The following TUBA3D variants were observed in gnomAD, a reference collection of about 807,000 sequenced individuals.
TUBA3D encodes the protein tubulin alpha 3d.
A neutral mutation model predicts 36.1 loss-of-function variants in TUBA3D; 24 were observed. That is an observed-to-expected ratio of 0.66 (90% CI 0.48 to 0.93). The LOEUF (loss-of-function observed/expected upper bound fraction) is 0.93. TUBA3D is among the 40% of genes least tolerant of loss of function. The pLI is 0.00. For synonymous variants in TUBA3D, 185 were observed against 247.2 expected (o/e 0.75, Z 2.36); for missense variants, 356 against 614.5 (o/e 0.58, Z 4.45).
intron 3 of TUBA3D, 55 bp downstream of exon 3, chr2:131,479,511 G>A (rs1236264727): frequency 3.8e-6 from 6 of 1,599,278 alleles, no homozygotes; most frequent in Non-Finnish European, 5.1e-6. Flanking sequence ...GGTAGTTCTT[G>A]GAATGTGAAA....
At chr2:131,479,515 T>C (rs1678779690) in intron 3 of TUBA3D, 59 bp downstream of exon 3, 1 of 1,596,650 alleles carries the variant, frequency 6.3e-7, no homozygotes, top group Admixed American at 1.7e-5. Flanking sequence ...GTTCTTGGAA[T>C]GTGAAAGGGA....
At position 131,480,251 on chromosome 2, in the gene TUBA3D, C is replaced by A; in HGVS notation, c.558C>A (p.Asn186Lys). 6.2e-7 allele frequency: 1 copy of A among 1,614,012 alleles called. No individual in the cohort carries two copies. Among genetic ancestry groups the A allele is most frequent in the Non-Finnish European group, 8.5e-7 (1 of 1,180,040 alleles). The change falls in exon 4 of 5, where the codon AAC becomes AAA. Residue 186 changes from asparagine to lysine, a missense_variant. Physicochemically the swap from Asn to Lys is moderately conservative, Grantham distance 94 (BLOSUM62 0). Transcript: ENST00000321253. ...QVSTAVVEPY[N>K]SILTTHTTLE... ...CCACAGCCGTGGTGGAGCCCTACAA[C>A]TCCATCCTGACCACCCACACGACCC... is the stretch of plus-strand genomic sequence containing the variant.
intron 2 of TUBA3D, 152 bp downstream of exon 2, chr2:131,478,538 G>A (rs1203540050): frequency 2.1e-6 from 3 of 1,396,198 alleles, no homozygotes; most frequent in Non-Finnish European, 2.9e-6. Context: ...TGAAAGGTTC[G>A]TGATCAAAGT....
rs1320126550 is a variant in TUBA3D, at chr2:131,479,292, A to G, written c.227-16A>G. ...CAGGCCTTAAAAATTCACAGCACAC[A>G]CTGTCTCTTTTGCAGATGAAGTGCG... is the stretch of plus-strand genomic sequence containing the variant. On this transcript the variant is annotated splice_polypyrimidine_tract_variant and intron_variant, in intron 2 of 4. Coordinates refer to ENST00000321253, the MANE Select transcript of TUBA3D (RefSeq NM_080386.4). 1 of 1,612,918 alleles carries G rather than the reference A, an allele frequency of 6.2e-7. No homozygotes were observed. The highest frequency in any genetic ancestry group is 2.2e-5 in the East Asian group (1 of 44,860).
rs1292118143 is a variant in TUBA3D, at chr2:131,480,057, G to A, written c.376-12G>A. ...CCATGGGCATTGGCTCACGTTGTGT[G>A]GTTTCTCTCAGGCGGATCTGTGCAC... is the stretch of plus-strand genomic sequence containing the variant. On this transcript the variant is annotated splice_polypyrimidine_tract_variant and intron_variant, in intron 3 of 4. Transcript: ENST00000321253. The A allele has an allele frequency of 1.9e-6, 3 of 1,568,270 alleles. No homozygotes were observed. The highest frequency in any genetic ancestry group is 2.6e-6 in the Non-Finnish European group (3 of 1,156,832).
At chr2:131,478,642 G>A (rs573158254) in intron 2 of TUBA3D, 13 of 700,646 alleles carry the variant, frequency 1.9e-5, no homozygotes, top group African/African-American at 7.2e-5. Context: ...AGATTCCCTC[G>A]TGCGTGCCTC....
intron 1 of TUBA3D, among the ~76,000 whole-genome samples, 188 bp from the exon 2 acceptor site, chr2:131,477,976 G>GAAAAC (rs1678730330): frequency 6.6e-6 from 1 of 152,176 alleles, no homozygotes; most frequent in South Asian, 2.1e-4. Context: ...TTACTAGCTA[G>GAAAAC]TATGGTTTAC....
Position 131,482,833 on chromosome 2 carries a change from A to C in TUBA3D, c.1338A>C (p.Glu446Asp). ...GVDSVEAEAEEGEEY is the reference protein window; with the variant it reads ...GVDSVEAEAEDGEEY ...ATTCCGTGGAAGCTGAGGCTGAAGA[A>C]GGCGAAGAATACTGAGGGGAGGGTG... is the stretch of plus-strand genomic sequence containing the variant. The change falls in exon 5 of 5, where the codon GAA becomes GAC. Residue 446 changes from glutamate to aspartate, a missense_variant. Glu to Asp is a conservative substitution (Grantham distance 45). Around this residue, in one of 3 missense-constraint regions of TUBA3D, gnomAD observed 156 missense variants for 219.8 expected, o/e 0.71. Transcript: ENST00000321253. 6.2e-7 allele frequency: 1 copy of C among 1,613,518 alleles called. No homozygotes were observed. The highest frequency in any genetic ancestry group is 8.5e-7 in the Non-Finnish European group (1 of 1,179,476).
At chr2:131,481,989 A>G (rs1037312860) in intron 4 of TUBA3D, among the ~76,000 whole-genome samples, 74 of 152,210 alleles carry the variant, frequency 4.9e-4, no homozygotes, top group Admixed American at 1.9e-3. Flanking sequence ...CCCTTTGGTT[A>G]CCACCTTGGA....
chr2:131,476,159 A>G lies in TUBA3D; in HGVS notation c.-41A>G, dbSNP rs544925601. ...GCTCAGCAGCTGTGGCAGCCGGTTG[A>G]GGTCTGGCAGTAGCGTTGGGCTGAA... On this transcript the variant is annotated 5_prime_UTR_variant, in exon 1 of 5. Transcript: ENST00000321253. 2 of 1,613,584 alleles carry G rather than the reference A, an allele frequency of 1.2e-6. No homozygotes were observed. Among genetic ancestry groups the G allele is most frequent in the South Asian group, 1.1e-5 (1 of 91,046 alleles).
At chr2:131,478,005 C>T (rs528581049) in intron 1 of TUBA3D, among the ~76,000 whole-genome samples, 159 bp from the exon 2 acceptor site, 1 of 152,192 alleles carries the variant, frequency 6.6e-6, no homozygotes, top group African/African-American at 2.4e-5. Flanking sequence ...GTTTTCACAG[C>T]GATAAAGGGA....
chr2:131,478,217 C>T lies in TUBA3D; in HGVS notation c.57C>T (p.Ala19=), dbSNP rs757420147. Residue 19 remains alanine (A), a synonymous_variant, in exon 2 of 5, where the codon GCC becomes GCT. Transcript: ENST00000321253. The part of the protein sequence containing the change: ...VGQAGVQIGN[A]CWELYCLEHG... Reference sequence around the variant, plus strand: ...AGGCGGGTGTCCAGATCGGCAATGCCTGCTGGGAACTGTACTGCCTTGAAC... The same window carrying T: ...AGGCGGGTGTCCAGATCGGCAATGCTTGCTGGGAACTGTACTGCCTTGAAC... The T allele has an allele frequency of 6.2e-7, 1 of 1,614,130 alleles. No homozygotes were observed. Among genetic ancestry groups the T allele is most frequent in the South Asian group, 1.1e-5 (1 of 91,082 alleles).
chr2:131,479,499 G>A (rs779080541), intron 3 of TUBA3D, 43 bp downstream of exon 3: 2 of 1,603,318 alleles, frequency 1.2e-6, no homozygotes, highest in Non-Finnish European at 1.7e-6. Context: ...TTGCATGGGA[G>A]GGGTAGTTCT....
chr2:131,476,274 G>A (rs1284728108), intron 1 of TUBA3D, 72 bp downstream of exon 1: 10 of 1,610,640 alleles, frequency 6.2e-6, no homozygotes, highest in African/African-American at 2.7e-5. Context: ...ACAGAGGGAC[G>A]TTGTTGCGGG....
chr2:131,479,477 G>A, intron 3 of TUBA3D, 21 bp downstream of exon 3: 1 of 1,609,294 alleles, frequency 6.2e-7, no homozygotes. Context: ...AAGGTTTCAT[G>A]TGGCCATTTT....
At chr2:131,478,742 T>C in intron 2 of TUBA3D, 2 of 340,070 alleles carry the variant, frequency 5.9e-6, no homozygotes, top group South Asian at 1.1e-4. Context: ...TGCACTAGAG[T>C]CTTGACCTGC....
chr2:131,478,095 AT>A (rs1678735077), intron 1 of TUBA3D, 68 bp from the exon 2 acceptor site: 2 of 1,556,426 alleles, frequency 1.3e-6, no homozygotes, highest in Admixed American at 3.8e-5. Flanking sequence ...AAATTAGAAT[AT>A]TTTGCATGCC....
At chr2:131,481,624 G>A (rs1678869790) in intron 4 of TUBA3D, among the ~76,000 whole-genome samples, 1 of 151,966 alleles carries the variant, frequency 6.6e-6, no homozygotes, top group African/African-American at 2.4e-5. Flanking sequence ...TAGTAGAGAT[G>A]GGATTTTGCC....
At position 131,479,503 on chromosome 2, in the gene TUBA3D, T is replaced by C. The variant is rs551668627; in HGVS notation, c.375+47T>C. 6 of 1,602,258 alleles carry C rather than the reference T, an allele frequency of 3.7e-6. No homozygotes were observed. In the Admixed American group the frequency reaches 6.7e-5, roughly 18 times the overall value. ...TGGCCATTTTCTTGCATGGGAGGGG[T>C]AGTTCTTGGAATGTGAAAGGGAAGT... On this transcript the variant is annotated intron_variant, in intron 3 of 4. Transcript: ENST00000321253.
Sources: allele counts gnomAD v4.1 joint callset (sites outside exome capture counted in the v4.1 genomes callset), GRCh38; gene constraint gnomAD v4.1.1; regional missense constraint gnomAD v4.1.1; transcripts MANE v1.5; gene names NCBI Gene and HGNC (gene_info 2026-07-23, HGNC 2026-07-21).